Variants in PLBD1 observed in about 807,000 individuals in gnomAD.
The protein encoded by PLBD1 is lysosomal leucine aminopeptidase.
PLBD1 carries 60 observed loss-of-function variants against 63.0 expected under a neutral mutation model. The observed-to-expected ratio is 0.95, with a 90% CI of 0.77 to 1.18. The LOEUF is 1.18. Ranked by LOEUF, PLBD1 falls within the 50% of genes most tolerant of loss-of-function variation. The pLI, the probability that PLBD1 is intolerant of heterozygous loss-of-function variation, is 0.00. For synonymous variants in PLBD1, 262 were observed against 248.0 expected (o/e 1.06, Z -0.53); for missense variants, 598 against 677.9 (o/e 0.88, Z 1.31).
At chr12:14,549,278 G>A (rs533261217) in intron 2 of PLBD1, among the ~76,000 whole-genome samples, 14 of 152,198 alleles carry the variant, frequency 9.2e-5, no homozygotes, top group South Asian at 2.1e-4. Flanking sequence ...TACGGTGGCC[G>A]TCAAGGCACT....
intron 4 of PLBD1, among the ~76,000 whole-genome samples, chr12:14,537,408 GCAA>G (rs1945529191): frequency 6.6e-6 from 1 of 152,212 alleles, no homozygotes; most frequent in African/African-American, 2.4e-5. Flanking sequence ...GGTACCAGCA[GCAA>G]CTTCACAGTT....
At chr12:14,553,646 A>G (rs946568534) in intron 1 of PLBD1, 3 of 568,776 alleles carry the variant, frequency 5.3e-6, no homozygotes, top group African/African-American at 3.8e-5. Context: ...GGGTGTAGCT[A>G]CAGCATCATA....
intron 6 of PLBD1, among the ~76,000 whole-genome samples, chr12:14,514,031 G>T (rs532093418): frequency 1.3e-5 from 2 of 151,970 alleles, no homozygotes; most frequent in African/African-American, 4.8e-5. Context: ...TGCCCGCCTC[G>T]GCCTCCCAAA....
chr12:14,519,227 A>G (rs1027311318), intron 6 of PLBD1, among the ~76,000 whole-genome samples: 1 of 152,182 alleles, frequency 6.6e-6, no homozygotes, highest in East Asian at 1.9e-4. Context: ...TAGTACCTGA[A>G]AATATGACTA....
chr12:14,514,933 G>T (rs747352351), intron 6 of PLBD1, among the ~76,000 whole-genome samples: 2 of 151,958 alleles, frequency 1.3e-5, no homozygotes, highest in Non-Finnish European at 2.9e-5. Flanking sequence ...TTGAGATCAG[G>T]AGAAAATGAA....
At chr12:14,517,804 C>T (rs1161144808) in intron 6 of PLBD1, among the ~76,000 whole-genome samples, 2 of 152,262 alleles carry the variant, frequency 1.3e-5, no homozygotes, top group East Asian at 3.9e-4. Context: ...TAAGAAAATA[C>T]AATACTAGAA....
At chr12:14,547,107 C>T (rs968496133) in intron 2 of PLBD1, among the ~76,000 whole-genome samples, 4 of 151,670 alleles carry the variant, frequency 2.6e-5, no homozygotes, top group Non-Finnish European at 4.4e-5. Flanking sequence ...TTTGAACTCC[C>T]GACCTCAGGT....
At chr12:14,507,252 T>A (rs1945264039) in intron 8 of PLBD1, 134 bp from the exon 9 acceptor site, 2 of 687,816 alleles carry the variant, frequency 2.9e-6, no homozygotes, top group Non-Finnish European at 4.8e-6. Flanking sequence ...CAAAATAATG[T>A]ACAGAAAATA....
intron 2 of PLBD1, among the ~76,000 whole-genome samples, chr12:14,543,893 T>G (rs1945594890): frequency 6.6e-6 from 1 of 152,210 alleles, no homozygotes; most frequent in South Asian, 2.1e-4. Flanking sequence ...TGGTAAACTT[T>G]TAATTTATGT....
intron 6 of PLBD1, among the ~76,000 whole-genome samples, chr12:14,519,782 T>A (rs1271166211): frequency 6.6e-6 from 1 of 152,158 alleles, no homozygotes; most frequent in African/African-American, 2.4e-5. Flanking sequence ...ACTGTGAGAA[T>A]AATTAATTTC....
chr12:14,539,004 T>C (rs1210878108), intron 4 of PLBD1, among the ~76,000 whole-genome samples: 2 of 151,934 alleles, frequency 1.3e-5, no homozygotes, highest in Admixed American at 6.6e-5. Flanking sequence ...CTGGGTGATA[T>C]CGCGAGGCTC....
intron 6 of PLBD1, 112 bp from the exon 7 acceptor site, chr12:14,511,823 T>C: frequency 2.9e-6 from 3 of 1,042,458 alleles, no homozygotes; most frequent in Non-Finnish European, 2.8e-6. Context: ...GTATCAGTTA[T>C]TACTATCCTT....
intron 1 of PLBD1, among the ~76,000 whole-genome samples, chr12:14,558,131 C>T (rs1397806637): frequency 6.6e-6 from 1 of 151,502 alleles, no homozygotes; most frequent in East Asian, 1.9e-4. Flanking sequence ...GCACCGTGCT[C>T]CCGGGGCTCG....
Position 14,567,836 on chromosome 12 carries a change from G to A in PLBD1, c.-140C>T. ...GGCGTCCTCAACTTTCCTCTTTCTTGAGCCCGGCCTGCTCCGGGCTCTGAG... is the reference window on the plus strand; with the variant it reads ...GGCGTCCTCAACTTTCCTCTTTCTTAAGCCCGGCCTGCTCCGGGCTCTGAG... On this transcript the variant is annotated 5_prime_UTR_variant, in exon 1 of 11. Coordinates refer to ENST00000240617, the MANE Select transcript of PLBD1 (RefSeq NM_024829.6). 1 of 1,196,616 alleles carries A rather than the reference G, an allele frequency of 8.4e-7. No individual in the cohort carries two copies. The highest frequency in any genetic ancestry group is 2.0e-5 in the South Asian group (1 of 49,398). 74.1% of individuals were successfully genotyped at this position (1,196,616 alleles called of 1,614,324 possible).
chr12:14,522,766 G>C (rs538232016), intron 6 of PLBD1, among the ~76,000 whole-genome samples: 7 of 151,930 alleles, frequency 4.6e-5, no homozygotes, highest in African/African-American at 1.7e-4. Context: ...ACCCATGAAG[G>C]GATGTTGAAT....
At chr12:14,522,202 CT>C (rs1246193512) in intron 6 of PLBD1, among the ~76,000 whole-genome samples, 1 of 152,062 alleles carries the variant, frequency 6.6e-6, no homozygotes, top group African/African-American at 2.4e-5. Flanking sequence ...ATAGCAGAAA[CT>C]TCTTAAGTTT....
In PLBD1 at chr12:14,513,513, A is replaced by G. The variant is rs79209300; in HGVS notation, c.845-1802T>C. On this transcript the variant is annotated intron_variant, in intron 6 of 10. Coordinates refer to ENST00000240617, the MANE Select transcript of PLBD1 (RefSeq NM_024829.6). The stretch of plus-strand genomic sequence containing the variant: ...CACATCTATTCTAGCCTAGTATGGA[A>G]TAAGTAAGGTGGGGTCAAAGAAACG... Among the ~76,000 whole-genome samples the G allele has an allele frequency of 2.0e-3, 300 of 152,338 alleles. 2 individuals carry two copies. Among genetic ancestry groups the G allele is most frequent in the African/African-American group, 6.9e-3 (287 of 41,584 alleles).
intron 8 of PLBD1, among the ~76,000 whole-genome samples, chr12:14,507,888 TG>T (rs1386284836): frequency 6.6e-6 from 1 of 152,202 alleles, no homozygotes; most frequent in Non-Finnish European, 1.5e-5. Flanking sequence ...AGAAACATCC[TG>T]GATGACACTG....
intron 10 of PLBD1, among the ~76,000 whole-genome samples, chr12:14,504,199 GC>G (rs1315859544): frequency 1.3e-5 from 2 of 152,044 alleles, no homozygotes; most frequent in East Asian, 3.9e-4. Context: ...ACGTGGATGG[GC>G]CACCACACCC....
Sources: gnomAD v4.1 joint callset for allele counts (sites outside exome capture counted in the v4.1 genomes callset) on GRCh38, gnomAD v4.1.1 for gene constraint, MANE v1.5 for transcripts, NCBI Gene and HGNC (gene_info 2026-07-23, HGNC 2026-07-21) for gene names.